The following SGPL1 variants were observed in gnomAD, a reference collection of about 807,000 sequenced individuals.
SGPL1 encodes SP-lyase 1.
Under a neutral mutation model 68.9 loss-of-function variants are expected in SGPL1, and 37 were observed. The observed-to-expected ratio is 0.54, with a 90% CI of 0.41 to 0.71. The LOEUF (loss-of-function observed/expected upper bound fraction) is 0.71, where lower values mean the gene tolerates loss of function less well. SGPL1 is among the 30% of genes least tolerant of loss of function. The pLI is 0.00. For synonymous variants in SGPL1, 236 were observed against 248.5 expected (o/e 0.95, Z 0.47); for missense variants, 551 against 704.6 (o/e 0.78, Z 2.47).
intron 3 of SGPL1, among the ~76,000 whole-genome samples, chr10:70,845,815 G>C (rs1043926460): frequency 6.6e-5 from 10 of 152,088 alleles, no homozygotes; most frequent in African/African-American, 2.4e-4. Context: ...CTTGGGATAA[G>C]AAAACAGTAA....
Position 70,875,492 on chromosome 10 carries a change from A to T in SGPL1, c.1389A>T (p.Leu463=), listed in dbSNP as rs1013525015. The T allele has an allele frequency of 1.2e-6, 2 of 1,613,434 alleles. No individual in the cohort carries two copies. Among genetic ancestry groups the T allele is most frequent in the Non-Finnish European group, 1.7e-6 (2 of 1,179,532 alleles). Residue 463 remains leucine (L), a synonymous_variant, in exon 13 of 15, where the codon CTA becomes CTT. Coordinates refer to ENST00000373202, the MANE Select transcript of SGPL1 (RefSeq NM_003901.4). ...CCCGTGATTTTGACATCTACCGACTATCAAACCTGATGACTGCTAAGGGGT... is the reference window on the plus strand; with the variant it reads ...CCCGTGATTTTGACATCTACCGACTTTCAAACCTGATGACTGCTAAGGGGT... ...LGSRDFDIYR[L]SNLMTAKGWN... is the part of the protein sequence containing the mutation.
At chr10:70,874,103 G>A (rs1846344302) in intron 12 of SGPL1, among the ~76,000 whole-genome samples, 2 of 152,214 alleles carry the variant, frequency 1.3e-5, no homozygotes, top group South Asian at 4.1e-4. Flanking sequence ...AAATGGGCCA[G>A]AAGGAATGAG....
At chr10:70,824,753 T>A (rs35209210) in intron 2 of SGPL1, among the ~76,000 whole-genome samples, 14,238 of 152,086 alleles carry the variant, frequency 0.094, 925 homozygotes, top group African/African-American at 0.18. Flanking sequence ...TATGTAGTGC[T>A]TAATGTAGAC....
chr10:70,826,007 C>T (rs1267256096), intron 2 of SGPL1, among the ~76,000 whole-genome samples: 1 of 152,100 alleles, frequency 6.6e-6, no homozygotes, highest in East Asian at 1.9e-4. Context: ...GTGGTGAAAC[C>T]CCGTCTTTAC....
chr10:70,875,633 T>C, intron 13 of SGPL1, 85 bp downstream of exon 13: 1 of 1,087,744 alleles, frequency 9.2e-7, no homozygotes, highest in Non-Finnish European at 1.3e-6. Flanking sequence ...AGTATAGAGT[T>C]TGACTGCTAG....
intron 8 of SGPL1, among the ~76,000 whole-genome samples, chr10:70,869,021 C>T (rs1846243920): frequency 6.6e-6 from 1 of 152,168 alleles, no homozygotes; most frequent in African/African-American, 2.4e-5. Context: ...ATTTTTACTG[C>T]AAGTATTACT....
At chr10:70,861,756 G>A (rs926464214) in intron 7 of SGPL1, among the ~76,000 whole-genome samples, 15 of 152,212 alleles carry the variant, frequency 9.9e-5, no homozygotes, top group African/African-American at 2.9e-4. Flanking sequence ...CGGCCCTGCC[G>A]GCCCCGGGCA....
intron 2 of SGPL1, among the ~76,000 whole-genome samples, chr10:70,820,702 G>A (rs556306441): frequency 1.8e-4 from 27 of 152,136 alleles, no homozygotes; most frequent in African/African-American, 6.3e-4. Context: ...TTGAACCCGG[G>A]AGGTGGAGGT....
chr10:70,838,333 G>A (rs866325313), intron 2 of SGPL1, among the ~76,000 whole-genome samples: 3 of 152,178 alleles, frequency 2.0e-5, no homozygotes, highest in South Asian at 2.1e-4. Flanking sequence ...GTACCAGTTC[G>A]TAAGATTTTT....
intron 7 of SGPL1, among the ~76,000 whole-genome samples, chr10:70,864,703 CT>C (rs1383199307): frequency 6.6e-6 from 1 of 152,126 alleles, no homozygotes; most frequent in African/African-American, 2.4e-5. Context: ...ACCTTTTCCC[CT>C]GCCTTTTAGT....
At chr10:70,818,623 G>A (rs1173736331) in intron 2 of SGPL1, among the ~76,000 whole-genome samples, 2 of 152,202 alleles carry the variant, frequency 1.3e-5, no homozygotes, top group Non-Finnish European at 2.9e-5. Flanking sequence ...CTGCAGGGGG[G>A]CTAAAGAAGA....
intron 4 of SGPL1, among the ~76,000 whole-genome samples, chr10:70,852,542 GT>G (rs1322230328): frequency 9.2e-5 from 14 of 152,058 alleles, no homozygotes; most frequent in Admixed American, 9.2e-4. Context: ...TTTTCGTTCA[GT>G]TTTCAGACTT....
At chr10:70,830,924 T>C (rs1401701203) in intron 2 of SGPL1, among the ~76,000 whole-genome samples, 2 of 152,200 alleles carry the variant, frequency 1.3e-5, no homozygotes, top group Non-Finnish European at 2.9e-5. Context: ...ATGTTATAAC[T>C]GGTTCAAAGG....
rs146765693 is a variant in SGPL1, at chr10:70,865,659, A to G, written c.616-2686A>G. Among the ~76,000 whole-genome samples, 627 of 152,344 alleles carry G rather than the reference A, an allele frequency of 4.1e-3. 2 individuals carry two copies. The highest frequency in any genetic ancestry group is 0.014 in the African/African-American group (602 of 41,582). On this transcript the variant is annotated intron_variant, in intron 7 of 14. Transcript: ENST00000373202. ...AAAACCAAATGGCTGGGCAGTCTTTAGGTTATTCCTAGCTAAGAGTTAAGA... is the reference window on the plus strand; with the variant it reads ...AAAACCAAATGGCTGGGCAGTCTTTGGGTTATTCCTAGCTAAGAGTTAAGA...
rs568395847 is a variant in SGPL1 at position 70,841,851 on chromosome 10, T to A, written c.28-2622T>A. Among the ~76,000 whole-genome samples, 7 of 152,274 alleles carry A rather than the reference T, an allele frequency of 4.6e-5. No individual in the cohort carries two copies. In the South Asian group the frequency reaches 1.2e-3, roughly 27 times the overall value. ...TCTTTTTCTCAAAACATCTTCTACC[T>A]TTTTTACCTTCCCTTCCTCTTCTAG... On this transcript the variant is annotated intron_variant, in intron 2 of 14. Transcript: ENST00000373202.
intron 11 of SGPL1, 140 bp from the exon 12 acceptor site, chr10:70,873,211 T>G: frequency 1.4e-6 from 1 of 702,188 alleles, no homozygotes; most frequent in Non-Finnish European, 2.5e-6. Flanking sequence ...ATTTTAAGTT[T>G]GAATCCTTAA....
intron 12 of SGPL1, 47 bp downstream of exon 12, chr10:70,873,636 C>A: frequency 1.4e-6 from 2 of 1,430,770 alleles, no homozygotes; most frequent in Non-Finnish European, 2.0e-6. Flanking sequence ...GCTTTTTTGT[C>A]CTAGTAGGCT....
At position 70,873,655 on chromosome 10, in the gene SGPL1, C is replaced by G. The variant is rs189428187; in HGVS notation, c.1298+66C>G. 7.9e-5 allele frequency: 95 copies of G among 1,204,338 alleles called. No homozygotes were observed. In the East Asian group the frequency reaches 2.2e-3, roughly 28 times the overall value. 74.6% of individuals were successfully genotyped at this position (1,204,338 alleles called of 1,614,324 possible). On this transcript the variant is annotated intron_variant, in intron 12 of 14. Coordinates refer to ENST00000373202, the MANE Select transcript of SGPL1 (RefSeq NM_003901.4). ...TTTTGTCCTAGTAGGCTCAAGGCACCTGCCTGGCTAAGTATCCATAGCCCT... is the reference window on the plus strand; with the variant it reads ...TTTTGTCCTAGTAGGCTCAAGGCACGTGCCTGGCTAAGTATCCATAGCCCT...
intron 10 of SGPL1, 152 bp downstream of exon 10, chr10:70,871,298 C>T: frequency 1.8e-6 from 1 of 555,468 alleles, no homozygotes; most frequent in Non-Finnish European, 3.2e-6. Context: ...GGAAGCCCTG[C>T]AGCTCAGTTG....
Sources: allele counts gnomAD v4.1 joint callset (sites outside exome capture counted in the v4.1 genomes callset), GRCh38; gene constraint gnomAD v4.1.1; transcripts MANE v1.5; gene names NCBI Gene and HGNC (gene_info 2026-07-23, HGNC 2026-07-21).